Variants in RASAL2 observed in about 807,000 individuals in gnomAD.
RASAL2 encodes the protein RAS protein activator like 2, also known as ras GTPase-activating protein nGAP.
In RASAL2, 58 loss-of-function variants were observed where a neutral mutation model predicts 128.9. The observed-to-expected ratio is 0.45, with a 90% confidence interval of 0.36 to 0.56. The LOEUF (loss-of-function observed/expected upper bound fraction) is 0.56. RASAL2 is among the 20% of genes least tolerant of loss of function. The pLI is 0.00. For synonymous variants in RASAL2, 561 were observed against 580.8 expected, an observed-to-expected ratio of 0.97 and a Z score of 0.49; for missense variants, 1,360 against 1,601.6, an observed-to-expected ratio of 0.85 and a Z score of 2.57.
chr1:178,415,466 A>G (rs188553707), intron 4 of RASAL2, among the ~76,000 whole-genome samples: 220 of 152,178 alleles, frequency 1.4e-3, no homozygotes, highest in African/African-American at 5.2e-3. Flanking sequence ...TAAATTTATT[A>G]ATATGTGTTT....
chr1:178,215,591 T>A (rs1275483693), intron 1 of RASAL2, among the ~76,000 whole-genome samples: 3 of 152,236 alleles, frequency 2.0e-5, no homozygotes, highest in Non-Finnish European at 4.4e-5. Flanking sequence ...ATTCATCATC[T>A]CAGTGTACCA....
intron 1 of RASAL2, among the ~76,000 whole-genome samples, chr1:178,230,878 G>A (rs1459591905): frequency 2.6e-5 from 4 of 152,080 alleles, no homozygotes; most frequent in South Asian, 4.2e-4. Flanking sequence ...TAGGCTGCCC[G>A]CATGCACAGG....
chr1:178,321,412 A>G (rs1255097262), intron 3 of RASAL2, among the ~76,000 whole-genome samples: 1 of 152,136 alleles, frequency 6.6e-6, no homozygotes, highest in Non-Finnish European at 1.5e-5. Flanking sequence ...AATTTTTTCA[A>G]TACCCTGAAA....
At chr1:178,198,953 T>C (rs1662769268) in intron 1 of RASAL2, among the ~76,000 whole-genome samples, 2 of 152,172 alleles carry the variant, frequency 1.3e-5, no homozygotes, top group Admixed American at 6.5e-5. Context: ...GTGGTCCTCA[T>C]TGAGCTGCGG....
chr1:178,110,594 A>G (rs1335263184), intron 1 of RASAL2, among the ~76,000 whole-genome samples: 1 of 145,638 alleles, frequency 6.9e-6, no homozygotes, highest in African/African-American at 2.5e-5. Context: ...TATATGCTAT[A>G]TATACTGTAT....
chr1:178,376,344 C>A (rs771883479), intron 3 of RASAL2, among the ~76,000 whole-genome samples: 1 of 152,072 alleles, frequency 6.6e-6, no homozygotes, highest in African/African-American at 2.4e-5. Context: ...ACAGGTTAAG[C>A]CTTTTGCCTG....
At chr1:178,124,546 G>A (rs1659825709) in intron 1 of RASAL2, among the ~76,000 whole-genome samples, 1 of 152,252 alleles carries the variant, frequency 6.6e-6, no homozygotes, top group East Asian at 1.9e-4. Flanking sequence ...TGGACGGGAG[G>A]CAAATATTTT....
intron 1 of RASAL2, among the ~76,000 whole-genome samples, chr1:178,224,583 A>G (rs1663725865): frequency 6.6e-6 from 1 of 152,188 alleles, no homozygotes; most frequent in African/African-American, 2.4e-5. Context: ...TGGTTAATAT[A>G]AATGAGTTCT....
chr1:178,142,228 C>G (rs562579682), intron 1 of RASAL2, among the ~76,000 whole-genome samples: 21 of 152,214 alleles, frequency 1.4e-4, no homozygotes, highest in Admixed American at 8.5e-4. Context: ...GTATCCAAGA[C>G]TCCACTCCAG....
chr1:178,273,116 AGGATTGTAT>A (rs1441323844), intron 1 of RASAL2, among the ~76,000 whole-genome samples: 1 of 152,236 alleles, frequency 6.6e-6, no homozygotes, highest in Non-Finnish European at 1.5e-5. Flanking sequence ...TGTTCCCAAT[AGGATTGTAT>A]TTCATGATTA....
At position 178,473,516 on chromosome 1, in the gene RASAL2, G is replaced by A. The variant is rs1572144370; in HGVS notation, c.*277G>A. On this transcript the variant is annotated 3_prime_UTR_variant, in exon 18 of 18. Coordinates refer to ENST00000367649, the MANE Select transcript of RASAL2 (RefSeq NM_170692.4). ...AATATACCAAAAGGAAGTTAATAAT[G>A]TAGATTACCTTTTTGATTATTGCTA... 2 of 437,892 alleles carry A rather than the reference G, an allele frequency of 4.6e-6. No homozygotes were observed. The highest frequency in any genetic ancestry group is 4.1e-5 in the Admixed American group (1 of 24,572). 27.1% of individuals were successfully genotyped at this position (437,892 alleles called of 1,614,324 possible). A position where few individuals can be genotyped will look rare whatever the true frequency, so the allele number is the denominator to read the frequency against.
chr1:178,439,932 G>A (rs571701106), intron 6 of RASAL2, among the ~76,000 whole-genome samples: 9 of 151,830 alleles, frequency 5.9e-5, no homozygotes, highest in African/African-American at 2.2e-4. Context: ...CACAGCATCA[G>A]TGGTTCAAGA....
intron 1 of RASAL2, among the ~76,000 whole-genome samples, chr1:178,098,166 T>C (rs955793632): frequency 2.0e-5 from 3 of 152,248 alleles, no homozygotes; most frequent in Non-Finnish European, 2.9e-5. Flanking sequence ...TGTATTCTTA[T>C]CTTGCCACCC....
At position 178,094,672 on chromosome 1, in the gene RASAL2, A is replaced by C; in HGVS notation, c.180A>C (p.Gln60His). Reference protein sequence around the residue: ...DRILLESVCQQQSWVRVYDVK... With the variant: ...DRILLESVCQHQSWVRVYDVK... The stretch of plus-strand genomic sequence containing the variant: ...TCCTTCTGGAGTCCGTGTGCCAGCA[A>C]CAGAGCTGGGTCCGGGTGTACGGTA... Residue 60 changes from glutamine (Q) to histidine (H), a missense_variant, in exon 1 of 18, where the codon CAA (glutamine) becomes CAC (histidine). Gln to His is a conservative substitution (Grantham distance 24, BLOSUM62 0). Around this residue, in one of 3 missense-constraint regions of RASAL2, gnomAD observed 617 missense variants for 714.2 expected, o/e 0.86. Transcript: ENST00000367649. 3.1e-6 allele frequency: 5 copies of C among 1,614,124 alleles called. No homozygotes were observed. The highest frequency in any genetic ancestry group is 4.2e-6 in the Non-Finnish European group (5 of 1,180,046).
chr1:178,304,097 A>G (rs1232470152), intron 3 of RASAL2, among the ~76,000 whole-genome samples: 2 of 152,134 alleles, frequency 1.3e-5, no homozygotes, highest in South Asian at 2.1e-4. Context: ...TTAAAAAGAC[A>G]AAGAAAAACA....
intron 14 of RASAL2, 111 bp from the exon 15 acceptor site, chr1:178,464,167 T>C (rs1186300099): frequency 1.5e-6 from 2 of 1,299,304 alleles, no homozygotes; most frequent in Non-Finnish European, 2.1e-6. Context: ...CTAAGAGCAT[T>C]TATTAGAAAA....
chr1:178,405,579 T>C (rs1477376661), intron 4 of RASAL2, among the ~76,000 whole-genome samples: 1 of 152,186 alleles, frequency 6.6e-6, no homozygotes, highest in Admixed American at 6.5e-5. Flanking sequence ...GGAAAGGCCA[T>C]GAGCCAAGGA....
intron 1 of RASAL2, among the ~76,000 whole-genome samples, chr1:178,174,971 T>C (rs1661834191): frequency 6.6e-6 from 1 of 152,166 alleles, no homozygotes; most frequent in African/African-American, 2.4e-5. Context: ...AGACAAGTTT[T>C]ACTGTAATGT....
intron 3 of RASAL2, among the ~76,000 whole-genome samples, chr1:178,302,427 A>G (rs2102276292): frequency 6.6e-6 from 1 of 152,344 alleles, no homozygotes; most frequent in Middle Eastern, 3.4e-3. Context: ...ACAAATTCCT[A>G]GGGGAAAAGA....
Sources: allele counts gnomAD v4.1 joint callset (sites outside exome capture counted in the v4.1 genomes callset), GRCh38; gene constraint gnomAD v4.1.1; regional missense constraint gnomAD v4.1.1; transcripts MANE v1.5; gene names NCBI Gene and HGNC (gene_info 2026-07-23, HGNC 2026-07-21).